LINGO2: variants seen among roughly 807,000 people sequenced by gnomAD.
LINGO2 encodes the protein leucine-rich repeat and immunoglobulin-like domain-containing nogo receptor-interacting protein 2.
A neutral mutation model predicts 30.6 loss-of-function variants in LINGO2; 14 were observed. The observed-to-expected ratio is 0.46, with a 90% confidence interval of 0.30 to 0.72. LINGO2 has a LOEUF of 0.72. Among genes scored for constraint, LINGO2 ranks in the 30% least tolerant of loss-of-function variants. LINGO2 has a pLI of 0.07. For missense variants in LINGO2, 729 were observed against 751.7 expected, an observed-to-expected ratio of 0.97 and a Z score of 0.35; for synonymous variants, 317 against 288.5, an observed-to-expected ratio of 1.10 and a Z score of -1.00.
chr9:29,039,786 C>T, the LINGO2 span, among the ~76,000 whole-genome samples: 2 of 152,082 alleles, frequency 1.3e-5, no homozygotes, highest in Non-Finnish European at 2.9e-5. Flanking sequence ...AGGTGCCCAC[C>T]ACTGATCCAA....
the LINGO2 span, among the ~76,000 whole-genome samples, chr9:29,035,902 A>C: frequency 6.6e-6 from 1 of 152,138 alleles, no homozygotes; most frequent in South Asian, 2.1e-4. Context: ...ATACACTAAG[A>C]AGAGGGAAAA....
chr9:28,537,546 T>C (rs1379094916), intron 1 of LINGO2, among the ~76,000 whole-genome samples: 3 of 144,358 alleles, frequency 2.1e-5, no homozygotes, highest in Middle Eastern at 3.6e-3. Context: ...ATAAAGTAAA[T>C]AGAAAAAAAA....
At chr9:28,302,059 T>C (rs1409349444) in intron 3 of LINGO2, among the ~76,000 whole-genome samples, 1 of 152,180 alleles carries the variant, frequency 6.6e-6, no homozygotes, top group African/African-American at 2.4e-5. Flanking sequence ...ACCTGCCTTA[T>C]AAGATATCTT....
At chr9:28,034,151 G>A (rs771333226) in intron 4 of LINGO2, among the ~76,000 whole-genome samples, 1 of 152,074 alleles carries the variant, frequency 6.6e-6, no homozygotes, top group African/African-American at 2.4e-5. Flanking sequence ...TTGTTTCCTG[G>A]GGCCAGGGCT....
the LINGO2 span, among the ~76,000 whole-genome samples, chr9:28,936,267 A>G: frequency 4.6e-5 from 7 of 152,206 alleles, no homozygotes; most frequent in African/African-American, 1.7e-4. Flanking sequence ...AAAAGCCTGT[A>G]CACAAAAAGT....
chr9:28,118,494 C>G (rs1430908951), intron 4 of LINGO2, among the ~76,000 whole-genome samples: 1 of 152,102 alleles, frequency 6.6e-6, no homozygotes, highest in African/African-American at 2.4e-5. Context: ...ATAACTTATT[C>G]AGTAAGCTAT....
chr9:28,639,153 G>C (rs1827441392), intron 1 of LINGO2, among the ~76,000 whole-genome samples: 1 of 152,116 alleles, frequency 6.6e-6, no homozygotes, highest in Non-Finnish European at 1.5e-5. Flanking sequence ...TTAATCCTGA[G>C]TTCTAGTTTC....
chr9:28,816,214 C>T, the LINGO2 span, among the ~76,000 whole-genome samples: 1 of 152,170 alleles, frequency 6.6e-6, no homozygotes, highest in South Asian at 2.1e-4. Flanking sequence ...AACACTGTGG[C>T]ATTGGAGATT....
At chr9:28,589,247 G>A (rs1041375611) in intron 1 of LINGO2, among the ~76,000 whole-genome samples, 3 of 152,068 alleles carry the variant, frequency 2.0e-5, no homozygotes, top group African/African-American at 7.2e-5. Flanking sequence ...GCACAAGACG[G>A]GGATGCCCTC....
the LINGO2 span, among the ~76,000 whole-genome samples, chr9:29,154,768 A>G: frequency 1.3e-3 from 193 of 152,318 alleles, 1 homozygote; most frequent in African/African-American, 4.5e-3. Flanking sequence ...AGCTGCTACT[A>G]TAATATCACT....
chr9:28,467,875 G>C (rs1250246198), intron 2 of LINGO2, among the ~76,000 whole-genome samples: 1 of 152,020 alleles, frequency 6.6e-6, no homozygotes, highest in East Asian at 1.9e-4. Flanking sequence ...TTCCCTGTTT[G>C]AAAGGCTTAT....
chr9:28,822,302 C>A, the LINGO2 span, among the ~76,000 whole-genome samples: 1 of 152,122 alleles, frequency 6.6e-6, no homozygotes, highest in Non-Finnish European at 1.5e-5. Context: ...ATAAACCTGG[C>A]CTGCACTACG....
At chr9:28,715,211 T>C in the LINGO2 span, among the ~76,000 whole-genome samples, 1 of 152,184 alleles carries the variant, frequency 6.6e-6, no homozygotes. Context: ...ATTTAGGATA[T>C]ATTATTCTAG....
the LINGO2 span, among the ~76,000 whole-genome samples, chr9:28,969,496 A>C: frequency 6.6e-6 from 1 of 152,200 alleles, no homozygotes. Flanking sequence ...ATAAGAAATC[A>C]TTAGATGTTT....
chr9:28,360,971 T>C (rs1820416220), intron 3 of LINGO2, among the ~76,000 whole-genome samples: 2 of 152,222 alleles, frequency 1.3e-5, no homozygotes, highest in African/African-American at 4.8e-5. Context: ...ATTGTTTCAG[T>C]TACCCATGGT....
At chr9:28,011,430 G>A (rs1281714165) in intron 5 of LINGO2, among the ~76,000 whole-genome samples, 1 of 152,116 alleles carries the variant, frequency 6.6e-6, no homozygotes, top group Non-Finnish European at 1.5e-5. Flanking sequence ...GAGTCAGAAT[G>A]CCTGACTTAG....
At chr9:29,027,708 T>C in the LINGO2 span, among the ~76,000 whole-genome samples, 1 of 152,184 alleles carries the variant, frequency 6.6e-6, no homozygotes, top group South Asian at 2.1e-4. Flanking sequence ...TTCCAAGGTT[T>C]CCGCAGTACC....
At chr9:28,861,096 T>TAA in the LINGO2 span, among the ~76,000 whole-genome samples, 13 of 121,278 alleles carry the variant, frequency 1.1e-4, no homozygotes, top group African/African-American at 1.3e-4. Context: ...ATAAATTATA[T>TAA]AAATATATAA....
At chr9:28,974,901 T>C in the LINGO2 span, among the ~76,000 whole-genome samples, 2 of 152,006 alleles carry the variant, frequency 1.3e-5, no homozygotes, top group East Asian at 1.9e-4. Flanking sequence ...GGAGCCAGAA[T>C]TGGTATTCAT....
Sources: gnomAD v4.1 joint callset for allele counts (sites outside exome capture counted in the v4.1 genomes callset) on GRCh38, gnomAD v4.1.1 for gene constraint, MANE v1.5 for transcripts, NCBI Gene and HGNC (gene_info 2026-07-23, HGNC 2026-07-21) for gene names.